Variants in KAT6B observed in about 807,000 individuals in gnomAD.
KAT6B encodes the protein lysine acetyltransferase 6B.
In KAT6B, 10 loss-of-function variants were observed where a neutral mutation model predicts 187.5. The observed-to-expected ratio is 0.05, with a 90% CI of 0.03 to 0.09. KAT6B has a LOEUF of 0.09. KAT6B is among the 10% of genes least tolerant of loss of function. KAT6B has a pLI of 1.00. For synonymous variants in KAT6B, 861 were observed against 926.8 expected (o/e 0.93, Z 1.29); for missense variants, 1,952 against 2,558.9 (o/e 0.76, Z 5.12).
chr10:74,921,322 C>G (rs1268899367), intron 3 of KAT6B, among the ~76,000 whole-genome samples: 1 of 152,014 alleles, frequency 6.6e-6, no homozygotes, highest in African/African-American at 2.4e-5. Flanking sequence ...TCATGTTGGC[C>G]AGGCCGGTCT....
chr10:74,870,191 G>T (rs1843816142), intron 3 of KAT6B, among the ~76,000 whole-genome samples: 2 of 152,108 alleles, frequency 1.3e-5, no homozygotes, highest in South Asian at 4.1e-4. Flanking sequence ...GAGGCAGGAG[G>T]ATCAATCACT....
chr10:74,836,215 T>C (rs990422875), intron 1 of KAT6B, among the ~76,000 whole-genome samples: 5 of 152,254 alleles, frequency 3.3e-5, no homozygotes, highest in Non-Finnish European at 5.9e-5. Context: ...TCTGTTCATC[T>C]GTTGATGGAC....
chr10:75,003,195 A>G (rs1365236076), intron 13 of KAT6B: 1 of 152,258 alleles, frequency 6.6e-6, no homozygotes, highest in African/African-American at 2.4e-5. Flanking sequence ...CGGAGAAAGC[A>G]GAGCTGTGAC....
chr10:75,028,557 A>G lies in KAT6B; in HGVS notation c.3733A>G (p.Lys1245Glu). 1 of 1,614,256 alleles carries G rather than the reference A, an allele frequency of 6.2e-7. No individual in the cohort carries two copies. Among genetic ancestry groups the G allele is most frequent in the South Asian group, 1.1e-5 (1 of 91,088 alleles). Residue 1245 changes from lysine to glutamate, a missense_variant, in exon 18 of 18, where the codon AAA becomes GAA. Lys to Glu is a moderately conservative substitution (Grantham distance 56). Transcript: ENST00000287239. ...SKDNPEPLKC[K>E]QVWPKGTKRG... is the part of the protein sequence containing the mutation. ...AGACAATCCCGAACCTCTAAAGTGC[A>G]AACAAGTGTGGCCAAAAGGAACAAA... is the stretch of plus-strand genomic sequence containing the variant.
intron 3 of KAT6B, among the ~76,000 whole-genome samples, chr10:74,854,530 C>T (rs1355797274): frequency 6.6e-6 from 1 of 151,648 alleles, no homozygotes; most frequent in Non-Finnish European, 1.5e-5. Context: ...ATATAGACAA[C>T]ATTTTAGAGT....
chr10:74,828,562 CTTTTTTTT>C (rs1160950109), intron 1 of KAT6B, among the ~76,000 whole-genome samples: 1 of 94,820 alleles, frequency 1.1e-5, no homozygotes, highest in Non-Finnish European at 2.0e-5. Flanking sequence ...CTCATAAGTT[CTTTTTTTT>C]TTTTTTTTTT....
chr10:74,954,566 T>A lies in KAT6B; in HGVS notation c.622-5404T>A, dbSNP rs142177487. 1.4e-3 allele frequency among the ~76,000 whole-genome samples: 214 copies of A among 152,338 alleles called. 1 individual carries two copies. The highest frequency in any genetic ancestry group is 4.5e-3 in the African/African-American group (187 of 41,582). On this transcript the variant is annotated intron_variant, in intron 3 of 17. Transcript: ENST00000287239. ...TCCTATTGGTGTAAGTTTTGTACTC[T>A]GTAACCACAAGAACGAATCTAACCC...
At chr10:74,839,447 G>T (rs1285326845) in intron 2 of KAT6B, among the ~76,000 whole-genome samples, 1 of 151,928 alleles carries the variant, frequency 6.6e-6, no homozygotes, top group Non-Finnish European at 1.5e-5. Context: ...GGCCAGGCTG[G>T]TCTTGAACTC....
chr10:74,844,020 C>T (rs1007890996), intron 3 of KAT6B, among the ~76,000 whole-genome samples: 1 of 151,694 alleles, frequency 6.6e-6, no homozygotes, highest in Non-Finnish European at 1.5e-5. Flanking sequence ...ATTACAGGCA[C>T]CTGCTACCAC....
intron 3 of KAT6B, among the ~76,000 whole-genome samples, chr10:74,845,586 T>G (rs916413812): frequency 2.0e-5 from 3 of 150,534 alleles, no homozygotes; most frequent in African/African-American, 7.3e-5. Flanking sequence ...CATGGTTTAC[T>G]GCAGCCTTGA....
At chr10:74,968,227 A>G (rs1841610064) in intron 4 of KAT6B, among the ~76,000 whole-genome samples, 1 of 152,290 alleles carries the variant, frequency 6.6e-6, no homozygotes, top group South Asian at 2.1e-4. Context: ...ATTTTTATCT[A>G]TTCAGACTTT....
intron 13 of KAT6B, among the ~76,000 whole-genome samples, chr10:75,013,020 T>A (rs2395127): frequency 0.24 from 35,643 of 151,656 alleles, 8,853 homozygotes; most frequent in African/African-American, 0.62. Flanking sequence ...GATCTAAGAG[T>A]GGGGCTTAGA....
At chr10:75,025,623 G>T (rs904961105) in intron 17 of KAT6B, 1 of 243,726 alleles carries the variant, frequency 4.1e-6, no homozygotes, top group Non-Finnish European at 8.1e-6. Context: ...ATTATTATCA[G>T]TGTGAGCATT....
chr10:74,861,827 A>G (rs1372052541), intron 3 of KAT6B, among the ~76,000 whole-genome samples: 2 of 152,212 alleles, frequency 1.3e-5, no homozygotes, highest in African/African-American at 4.8e-5. Context: ...CTTTTCCCAA[A>G]TGATGTTCTG....
At chr10:74,981,652 G>A (rs1279835145) in intron 10 of KAT6B, 135 bp from the exon 11 acceptor site, 1 of 690,004 alleles carries the variant, frequency 1.4e-6, no homozygotes, top group Non-Finnish European at 2.6e-6. Flanking sequence ...GGAATTACAG[G>A]TGTGAGCCAC....
chr10:74,991,494 A>G (rs1160810059), intron 13 of KAT6B, among the ~76,000 whole-genome samples: 4 of 152,230 alleles, frequency 2.6e-5, no homozygotes, highest in African/African-American at 9.6e-5. Context: ...ATTTTAGTGA[A>G]AACTGTTACT....
In KAT6B at chr10:74,826,602, T is replaced by C. The variant is rs1310672006; in HGVS notation, c.-512T>C. The C allele has an allele frequency of 1.3e-5, 2 of 152,838 alleles. No individual in the cohort carries two copies. Among genetic ancestry groups the C allele is most frequent in the Non-Finnish European group, 2.9e-5 (2 of 68,056 alleles). 9.5% of individuals were successfully genotyped at this position (152,838 alleles called of 1,614,324 possible). ...TGAGACTCCATTGGGCTGTAATCAG[T>C]GTCATGTCGGATTCATGTCAACGAC... On this transcript the variant is annotated 5_prime_UTR_variant, in exon 1 of 18. Coordinates refer to ENST00000287239, the MANE Select transcript of KAT6B (RefSeq NM_012330.4).
intron 3 of KAT6B, among the ~76,000 whole-genome samples, chr10:74,911,833 A>G (rs751703976): frequency 2.0e-4 from 30 of 151,456 alleles, no homozygotes; most frequent in Non-Finnish European, 4.0e-4. Context: ...TATTTTTGTT[A>G]TTATTATTTT....
At chr10:74,864,118 G>C (rs1417446676) in intron 3 of KAT6B, among the ~76,000 whole-genome samples, 1 of 152,118 alleles carries the variant, frequency 6.6e-6, no homozygotes, top group Non-Finnish European at 1.5e-5. Flanking sequence ...AGCCAGGCTG[G>C]AGTGCAGTGG....
Sources: gnomAD v4.1 joint callset for allele counts (sites outside exome capture counted in the v4.1 genomes callset) on GRCh38, gnomAD v4.1.1 for gene constraint, MANE v1.5 for transcripts, NCBI Gene and HGNC (gene_info 2026-07-23, HGNC 2026-07-21) for gene names.